Variants in AXDND1 observed in about 807,000 individuals in gnomAD.
AXDND1 encodes the protein axonemal dynein light chain domain-containing protein 1.
A neutral mutation model predicts 137.5 loss-of-function variants in AXDND1; 110 were observed. That is an observed-to-expected ratio of 0.80 (90% CI 0.69 to 0.94). The LOEUF (loss-of-function observed/expected upper bound fraction) is 0.94, where lower values mean the gene tolerates loss of function less well. AXDND1 is among the 40% of genes least tolerant of loss of function. The pLI is 0.00. For missense variants in AXDND1, 1,191 were observed against 1,169.8 expected (o/e 1.02, Z -0.26); for synonymous variants, 414 against 399.7 (o/e 1.04, Z -0.43).
intron 16 of AXDND1, chr1:179,456,264 C>A (rs1661389137): frequency 4.1e-6 from 3 of 731,514 alleles, no homozygotes; most frequent in African/African-American, 1.7e-5. Flanking sequence ...GCTACTGGAA[C>A]CTCCATAGCC....
intron 15 of AXDND1, among the ~76,000 whole-genome samples, chr1:179,444,605 C>G (rs1422291635): frequency 6.6e-6 from 1 of 151,716 alleles, no homozygotes; most frequent in African/African-American, 2.4e-5. Flanking sequence ...CTTTCCCAGT[C>G]TAGTGGGGAT....
intron 16 of AXDND1, among the ~76,000 whole-genome samples, chr1:179,459,151 T>C (rs1272601469): frequency 1.3e-5 from 2 of 152,138 alleles, no homozygotes; most frequent in Non-Finnish European, 2.9e-5. Flanking sequence ...TTTTATCACC[T>C]CAAGAATACA....
chr1:179,532,388 G>A (rs912382950), intron 23 of AXDND1, among the ~76,000 whole-genome samples: 2 of 152,298 alleles, frequency 1.3e-5, no homozygotes, highest in Non-Finnish European at 1.5e-5. Flanking sequence ...AGTTCTAGAA[G>A]CCTCTGCTCT....
chr1:179,423,862 A>G (rs1656148006), intron 12 of AXDND1, among the ~76,000 whole-genome samples: 1 of 152,208 alleles, frequency 6.6e-6, no homozygotes, highest in South Asian at 2.1e-4. Flanking sequence ...GCTTCATACT[A>G]GAGTTATGAG....
At chr1:179,546,166 G>A (rs1025111036) in intron 25 of AXDND1, 1 of 152,204 alleles carries the variant, frequency 6.6e-6, no homozygotes, top group Non-Finnish European at 1.5e-5. Flanking sequence ...ATGAACCAGG[G>A]ATGTTGAGAA....
intron 23 of AXDND1, 126 bp from the exon 24 acceptor site, chr1:179,533,669 C>CT (rs1671244216): frequency 4.1e-6 from 2 of 483,434 alleles, no homozygotes; most frequent in Non-Finnish European, 7.3e-6. Flanking sequence ...GCTTAACCAT[C>CT]TATTAGATAG....
intron 11 of AXDND1, among the ~76,000 whole-genome samples, chr1:179,401,797 C>A (rs1242457426): frequency 6.6e-6 from 1 of 152,002 alleles, no homozygotes; most frequent in African/African-American, 2.4e-5. Context: ...GTAAGAGGGG[C>A]CTTTCACCTT....
rs886349441 is a variant in AXDND1, at chr1:179,472,052, G to A, written c.1997+3411G>A. 6.4e-4 allele frequency among the ~76,000 whole-genome samples: 97 copies of A among 151,918 alleles called. 1 individual carries two copies. The highest frequency in any genetic ancestry group is 4.6e-4 in the Admixed American group (7 of 15,266). On this transcript the variant is annotated intron_variant, in intron 17 of 25. Coordinates refer to ENST00000367618, the MANE Select transcript of AXDND1 (RefSeq NM_144696.6). ...TGGGATTACCGGCATGTGCCACCAC[G>A]CCTGGCTAATTTTTTTGTATTTTTA...
intron 10 of AXDND1, 109 bp downstream of exon 10, chr1:179,394,152 G>A: frequency 8.7e-7 from 1 of 1,145,002 alleles, no homozygotes; most frequent in South Asian, 2.0e-5. Flanking sequence ...AGGTTCTTCT[G>A]TTTCCTTTTC....
chr1:179,509,224 A>G, intron 20 of AXDND1, 72 bp from the exon 21 acceptor site: 2 of 885,044 alleles, frequency 2.3e-6, no homozygotes, highest in Non-Finnish European at 3.6e-6. Flanking sequence ...AATTGTATTT[A>G]TCAGTTCCTC....
intron 16 of AXDND1, among the ~76,000 whole-genome samples, chr1:179,459,160 C>A (rs1349335819): frequency 6.6e-6 from 1 of 152,056 alleles, no homozygotes; most frequent in Non-Finnish European, 1.5e-5. Flanking sequence ...CTCAAGAATA[C>A]ATTCTTTAAA....
At chr1:179,388,753 ATT>A (rs34937470) in intron 9 of AXDND1, among the ~76,000 whole-genome samples, 3,966 of 139,172 alleles carry the variant, frequency 0.028, 182 homozygotes, top group African/African-American at 0.096. Context: ...ATGCCTGGCT[ATT>A]TTTTTTTTTT....
chr1:179,479,779 A>T (rs1371545213), intron 17 of AXDND1, among the ~76,000 whole-genome samples: 1 of 151,844 alleles, frequency 6.6e-6, no homozygotes, highest in Non-Finnish European at 1.5e-5. Context: ...TCCATCTCAA[A>T]AAAGAAAGAA....
intron 17 of AXDND1, among the ~76,000 whole-genome samples, chr1:179,479,672 G>T (rs1293350796): frequency 6.6e-6 from 1 of 152,126 alleles, no homozygotes; most frequent in Non-Finnish European, 1.5e-5. Context: ...AGCTACTTGG[G>T]AGGCTGAGGC....
intron 9 of AXDND1, among the ~76,000 whole-genome samples, chr1:179,386,283 C>T (rs547380058): frequency 2.0e-5 from 3 of 152,004 alleles, no homozygotes; most frequent in African/African-American, 4.8e-5. Context: ...CTCCTGACCT[C>T]GTGATCTGCC....
At chr1:179,445,714 G>C (rs560372213) in intron 16 of AXDND1, among the ~76,000 whole-genome samples, 1 of 152,270 alleles carries the variant, frequency 6.6e-6, no homozygotes, top group African/African-American at 2.4e-5. Context: ...CCTAATAATA[G>C]TGTATGTATA....
chr1:179,516,438 T>C lies in AXDND1; in HGVS notation c.2496+7035T>C, dbSNP rs1669548094. Among the ~76,000 whole-genome samples, 4 of 152,210 alleles carry C rather than the reference T, an allele frequency of 2.6e-5. No individual in the cohort carries two copies. In the South Asian group the frequency reaches 8.3e-4, roughly 32 times the overall value. On this transcript the variant is annotated intron_variant, in intron 21 of 25. Transcript: ENST00000367618. ...CTGATTAGCTTAATAACTAACATCC[T>C]GAATTCTTTTTCATGTAAATCAGGG...
chr1:179,385,380 G>A, intron 9 of AXDND1, 21 bp downstream of exon 9: 1 of 1,613,352 alleles, frequency 6.2e-7, no homozygotes, highest in East Asian at 2.2e-5. Flanking sequence ...TTATTGGAAT[G>A]GTCCAGTTTC....
chr1:179,436,875 T>A (rs1658230979), intron 15 of AXDND1, among the ~76,000 whole-genome samples: 1 of 152,070 alleles, frequency 6.6e-6, no homozygotes, highest in Non-Finnish European at 1.5e-5. Flanking sequence ...AAGTCTATGT[T>A]GAACACAAAA....
Sources: gnomAD v4.1 joint callset for allele counts (sites outside exome capture counted in the v4.1 genomes callset) on GRCh38, gnomAD v4.1.1 for gene constraint, MANE v1.5 for transcripts, NCBI Gene and HGNC (gene_info 2026-07-23, HGNC 2026-07-21) for gene names.